HMGB1: variants seen among roughly 807,000 people sequenced by gnomAD.
The protein encoded by HMGB1 is high mobility group box 1.
For missense variants in HMGB1, 79 were observed against 253.5 expected, an observed-to-expected ratio of 0.31 and a Z score of 4.67; for synonymous variants, 81 against 84.0, an observed-to-expected ratio of 0.96 and a Z score of 0.19.
chr13:30,552,514 CCACA>C (rs2085216276), intron 1 of HMGB1, among the ~76,000 whole-genome samples: 2 of 152,206 alleles, frequency 1.3e-5, no homozygotes, highest in South Asian at 4.1e-4. Context: ...CCCTCTCTGT[CCACA>C]CACAGAATAC....
At chr13:30,475,034 T>G (rs1218074256) in intron 1 of HMGB1, among the ~76,000 whole-genome samples, 41 of 99,518 alleles carry the variant, frequency 4.1e-4, no homozygotes, top group Non-Finnish European at 7.9e-4. Flanking sequence ...CAGCTCTCTC[T>G]CTCTCTCTCT....
intron 1 of HMGB1, among the ~76,000 whole-genome samples, chr13:30,592,549 T>TGTG (rs1388807163): frequency 2.0e-5 from 3 of 152,176 alleles, no homozygotes; most frequent in Non-Finnish European, 4.4e-5. Context: ...TTTCCAGGTT[T>TGTG]AAGTTACAGT....
Position 30,461,506 on chromosome 13 carries a change from T to G in HMGB1, c.499A>C (p.Lys167Gln). 4 of 1,571,626 alleles carry G rather than the reference T, an allele frequency of 2.5e-6. No homozygotes were observed. The highest frequency in any genetic ancestry group is 3.5e-6 in the Non-Finnish European group (4 of 1,156,436). The change falls in exon 5 of 5, where the codon AAG becomes CAG. Residue 167 changes from lysine to glutamine, a missense_variant. By Grantham distance (53) the Lys-to-Gln change is moderately conservative (BLOSUM62 1). Transcript: ENST00000341423. ...ACTCCCTTTTTTGCTGCATCAGGCTTTCCTTTAGCTCGATATGCAGCAATA... is the reference window on the plus strand; with the variant it reads ...ACTCCCTTTTTTGCTGCATCAGGCTGTCCTTTAGCTCGATATGCAGCAATA... ...KDIAAYRAKGKPDAAKKGVVK... is the reference protein window; with the variant it reads ...KDIAAYRAKGQPDAAKKGVVK...
In HMGB1 at chr13:30,463,176, T is replaced by G. The variant is rs776047897; in HGVS notation, c.296+31A>C. 1.9e-6 allele frequency: 3 copies of G among 1,595,768 alleles called. No homozygotes were observed. The Admixed American group carries it at 5.4e-5, about 29-fold the overall frequency. On this transcript the variant is annotated intron_variant, in intron 3 of 4. Transcript: ENST00000341423. ...CTCTCAGATTCTACTGTAAAACGTG[T>G]CTGGGAAGTAAAAACAGGCAAGATA...
chr13:30,464,620 G>A (rs906013975), intron 1 of HMGB1: 23 of 984,024 alleles, frequency 2.3e-5, no homozygotes, highest in Middle Eastern at 5.2e-4. Context: ...TCGGCGCAGG[G>A]AGAAGCCCCG....
At chr13:30,565,176 T>A (rs1047057940) in intron 1 of HMGB1, among the ~76,000 whole-genome samples, 1 of 152,204 alleles carries the variant, frequency 6.6e-6, no homozygotes, top group African/African-American at 2.4e-5. Flanking sequence ...CATATCAAGC[T>A]TCCATTTTTG....
At chr13:30,496,809 A>G (rs929139619) in intron 1 of HMGB1, among the ~76,000 whole-genome samples, 2 of 152,120 alleles carry the variant, frequency 1.3e-5, no homozygotes, top group African/African-American at 4.8e-5. Flanking sequence ...TTACTGGTCA[A>G]CTTCAGGCTG....
At chr13:30,584,953 G>A (rs1358264452) in intron 1 of HMGB1, among the ~76,000 whole-genome samples, 1 of 152,126 alleles carries the variant, frequency 6.6e-6, no homozygotes, top group Non-Finnish European at 1.5e-5. Flanking sequence ...TTCGAGACCA[G>A]CCTGGCCAAC....
intron 3 of HMGB1, 62 bp from the exon 4 acceptor site, chr13:30,462,774 G>C: frequency 7.4e-7 from 1 of 1,350,488 alleles, no homozygotes; most frequent in Non-Finnish European, 1.1e-6. Context: ...ATACTATCAA[G>C]TGTACACTGC....
At chr13:30,588,550 A>C (rs1399985161) in intron 1 of HMGB1, among the ~76,000 whole-genome samples, 2 of 152,246 alleles carry the variant, frequency 1.3e-5, no homozygotes, top group Non-Finnish European at 2.9e-5. Context: ...TTTGATGTTA[A>C]GATAGTGCTT....
chr13:30,553,765 A>G, intron 1 of HMGB1: 1 of 1,299,980 alleles, frequency 7.7e-7, no homozygotes, highest in Non-Finnish European at 1.1e-6. Flanking sequence ...TCCCATGACT[A>G]TCTTCATAGA....
intron 1 of HMGB1, among the ~76,000 whole-genome samples, chr13:30,611,851 TA>T (rs60637307): frequency 0.011 from 1,306 of 120,156 alleles, 2 homozygotes; most frequent in Middle Eastern, 0.012. Flanking sequence ...ACAGTAAATG[TA>T]AAAAAAAAAA....
chr13:30,577,826 C>T (rs906493770), intron 1 of HMGB1, among the ~76,000 whole-genome samples: 4 of 152,194 alleles, frequency 2.6e-5, no homozygotes, highest in Admixed American at 6.5e-5. Flanking sequence ...TTATCTCATC[C>T]GTTATCAGAA....
chr13:30,571,355 C>T (rs529134266), intron 1 of HMGB1, among the ~76,000 whole-genome samples: 31 of 148,924 alleles, frequency 2.1e-4, no homozygotes, highest in Admixed American at 7.4e-4. Flanking sequence ...AGTGCAGTGG[C>T]GCAATCTTGG....
upstream of HMGB1, among the ~76,000 whole-genome samples, chr13:30,469,822 G>A (rs960637385): frequency 3.2e-4 from 49 of 152,268 alleles, no homozygotes; most frequent in African/African-American, 1.1e-3. Context: ...GTGGAGACGG[G>A]GTTTCACCAT....
chr13:30,523,647 C>T (rs551954697), intron 1 of HMGB1, among the ~76,000 whole-genome samples: 19 of 152,248 alleles, frequency 1.2e-4, no homozygotes, highest in South Asian at 2.1e-4. Context: ...CCTTTTCACA[C>T]GTAAGCCATG....
intron 1 of HMGB1, among the ~76,000 whole-genome samples, chr13:30,594,645 T>C (rs1342888817): frequency 6.6e-6 from 1 of 152,236 alleles, no homozygotes; most frequent in East Asian, 1.9e-4. Flanking sequence ...GGCACTTACA[T>C]TGATTTCATG....
intron 1 of HMGB1, among the ~76,000 whole-genome samples, chr13:30,506,902 C>T (rs779493517): frequency 4.6e-5 from 7 of 152,070 alleles, no homozygotes; most frequent in Admixed American, 6.6e-5. Context: ...GTGCTCACTC[C>T]GAAGGTGCTC....
intron 1 of HMGB1, among the ~76,000 whole-genome samples, chr13:30,506,998 G>A (rs902848957): frequency 3.9e-5 from 6 of 152,148 alleles, no homozygotes; most frequent in Non-Finnish European, 8.8e-5. Context: ...ATAGGGAGGC[G>A]ATCCCTCCAA....
Sources: allele counts gnomAD v4.1 joint callset (sites outside exome capture counted in the v4.1 genomes callset), GRCh38; gene constraint gnomAD v4.1.1; transcripts MANE v1.5; gene names NCBI Gene and HGNC (gene_info 2026-07-23, HGNC 2026-07-21).